UNC5C: variants seen among roughly 807,000 people sequenced by gnomAD.
UNC5C encodes netrin receptor UNC5C.
A neutral mutation model predicts 99.8 loss-of-function variants in UNC5C; 47 were observed. That is an observed-to-expected ratio of 0.47 (90% CI 0.37 to 0.60). The LOEUF (loss-of-function observed/expected upper bound fraction) is 0.60. Ranked by LOEUF, UNC5C falls within the 20% of genes least tolerant of loss-of-function variation. The pLI is 0.00. For synonymous variants in UNC5C, 487 were observed against 452.2 expected, an observed-to-expected ratio of 1.08 and a Z score of -0.98; for missense variants, 1,062 against 1,165.9, an observed-to-expected ratio of 0.91 and a Z score of 1.30.
At chr4:95,429,068 G>A (rs1411240434) in intron 1 of UNC5C, among the ~76,000 whole-genome samples, 2 of 151,994 alleles carry the variant, frequency 1.3e-5, no homozygotes, top group African/African-American at 2.4e-5. Flanking sequence ...ACTTGAGAAA[G>A]CAGAACCCAC....
intron 1 of UNC5C, among the ~76,000 whole-genome samples, chr4:95,346,551 G>A (rs991484514): frequency 9.2e-5 from 14 of 151,894 alleles, no homozygotes; most frequent in African/African-American, 2.7e-4. Context: ...GTAGCAAACT[G>A]AATTTAACAA....
intron 14 of UNC5C, 117 bp from the exon 15 acceptor site, chr4:95,170,449 T>C (rs1410944996): frequency 5.7e-6 from 7 of 1,230,288 alleles, no homozygotes; most frequent in Admixed American, 2.3e-5. Flanking sequence ...AATGCTGTTA[T>C]TCTTCTTAGG....
chr4:95,534,221 T>TG (rs1203498129), intron 1 of UNC5C, among the ~76,000 whole-genome samples: 7 of 152,174 alleles, frequency 4.6e-5, no homozygotes, highest in Admixed American at 4.6e-4. Flanking sequence ...GTGTTTCCTG[T>TG]GGGGGTATCA....
chr4:95,170,454 C>T, intron 14 of UNC5C, 122 bp from the exon 15 acceptor site: 1 of 1,205,430 alleles, frequency 8.3e-7, no homozygotes, highest in Non-Finnish European at 1.2e-6. Context: ...TGTTATTCTT[C>T]TTAGGAAGAA....
chr4:95,177,631 T>A (rs1736422405), intron 14 of UNC5C, among the ~76,000 whole-genome samples: 1 of 152,182 alleles, frequency 6.6e-6, no homozygotes, highest in Non-Finnish European at 1.5e-5. Flanking sequence ...TGCCATGGTA[T>A]GCACAGTGCT....
At chr4:95,412,243 C>T (rs1461564495) in intron 1 of UNC5C, among the ~76,000 whole-genome samples, 2 of 152,096 alleles carry the variant, frequency 1.3e-5, no homozygotes, top group African/African-American at 2.4e-5. Context: ...CTCCAAACTA[C>T]CCTTCTCAAT....
At chr4:95,307,284 T>A (rs1742094061) in intron 2 of UNC5C, among the ~76,000 whole-genome samples, 1 of 152,108 alleles carries the variant, frequency 6.6e-6, no homozygotes, top group Non-Finnish European at 1.5e-5. Context: ...ATAAGCAAAC[T>A]ATATAATTTA....
intron 1 of UNC5C, among the ~76,000 whole-genome samples, chr4:95,542,797 A>G (rs752132894): frequency 4.6e-5 from 7 of 152,008 alleles, no homozygotes; most frequent in Non-Finnish European, 7.4e-5. Context: ...GGCTCCATAC[A>G]GGTAGACAGG....
chr4:95,229,289 C>CG (rs1490785124), intron 7 of UNC5C, among the ~76,000 whole-genome samples: 3 of 151,898 alleles, frequency 2.0e-5, no homozygotes, highest in African/African-American at 4.8e-5. Flanking sequence ...CCCCCCACCC[C>CG]GACAGGCCCC....
intron 12 of UNC5C, among the ~76,000 whole-genome samples, chr4:95,188,136 G>A (rs923313126): frequency 6.6e-6 from 1 of 152,024 alleles, no homozygotes; most frequent in Non-Finnish European, 1.5e-5. Flanking sequence ...TGGTCCCAGT[G>A]GTTCACTGGG....
intron 1 of UNC5C, among the ~76,000 whole-genome samples, chr4:95,419,464 T>A (rs150349811): frequency 6.6e-6 from 1 of 152,276 alleles, no homozygotes; most frequent in African/African-American, 2.4e-5. Context: ...TAATTGATCT[T>A]CTGGCTTTTT....
intron 1 of UNC5C, among the ~76,000 whole-genome samples, chr4:95,498,875 C>T (rs1178607925): frequency 6.6e-6 from 1 of 152,020 alleles, no homozygotes; most frequent in African/African-American, 2.4e-5. Context: ...TGATACTTTG[C>T]TATCTTTTGC....
intron 1 of UNC5C, among the ~76,000 whole-genome samples, chr4:95,398,373 C>A (rs1373143869): frequency 4.6e-5 from 7 of 152,098 alleles, no homozygotes; most frequent in Admixed American, 4.6e-4. Flanking sequence ...ACAGATTCTG[C>A]AAACTGTCTA....
chr4:95,384,697 A>C (rs1267107854), intron 1 of UNC5C, among the ~76,000 whole-genome samples: 1 of 152,154 alleles, frequency 6.6e-6, no homozygotes, highest in South Asian at 2.1e-4. Flanking sequence ...GAAAATGACT[A>C]TGCTGTAGGA....
chr4:95,212,871 C>G (rs17023246), intron 10 of UNC5C, among the ~76,000 whole-genome samples: 16,533 of 152,178 alleles, frequency 0.11, 1,136 homozygotes, highest in African/African-American at 0.19. Flanking sequence ...AGATTCTCTC[C>G]ATACCCTCTC....
chr4:95,415,034 C>A (rs1746121957), intron 1 of UNC5C, among the ~76,000 whole-genome samples: 1 of 152,094 alleles, frequency 6.6e-6, no homozygotes, highest in Non-Finnish European at 1.5e-5. Context: ...ATTATAAATC[C>A]ATTTGAGCCT....
intron 3 of UNC5C, among the ~76,000 whole-genome samples, chr4:95,286,822 C>CTAA (rs1741252439): frequency 6.6e-6 from 1 of 152,084 alleles, no homozygotes; most frequent in Non-Finnish European, 1.5e-5. Flanking sequence ...GGGCCACAGA[C>CTAA]CCCAAATCTG....
At chr4:95,227,515 T>C (rs1738744565) in intron 7 of UNC5C, among the ~76,000 whole-genome samples, 1 of 152,160 alleles carries the variant, frequency 6.6e-6, no homozygotes, top group Non-Finnish European at 1.5e-5. Context: ...CTTGCAGGAA[T>C]ACAGACTAAA....
Position 95,548,809 on chromosome 4 carries a change from C to T in UNC5C, c.49G>A (p.Gly17Arg), listed in dbSNP as rs757520579. The T allele has an allele frequency of 1.2e-6, 2 of 1,613,388 alleles. No homozygotes were observed. The highest frequency in any genetic ancestry group is 2.2e-5 in the East Asian group (1 of 44,830). Reference protein sequence around the residue: ...ATAARCGLGLGYLLQMLVLPA... With the variant: ...ATAARCGLGLRYLLQMLVLPA... ...AGCACGAGCATTTGCAGCAAGTATC[C>T]CAGTCCCAGTCCGCAGCGGGCCGCT... Residue 17 changes from glycine (G) to arginine (R), a missense_variant, in exon 1 of 16, where the codon GGA (glycine) becomes AGA (arginine). Gly to Arg is a moderately radical substitution (Grantham distance 125, BLOSUM62 -2). Coordinates refer to ENST00000453304, the MANE Select transcript of UNC5C (RefSeq NM_003728.4).
Sources: allele counts gnomAD v4.1 joint callset (sites outside exome capture counted in the v4.1 genomes callset), GRCh38; gene constraint gnomAD v4.1.1; transcripts MANE v1.5; gene names NCBI Gene and HGNC (gene_info 2026-07-23, HGNC 2026-07-21).